Variants in RNF128 observed in about 807,000 individuals in gnomAD.
RNF128 encodes ring finger protein 128.
RNF128 carries 13 observed loss-of-function variants against 26.2 expected under a neutral mutation model. The ratio of observed to expected loss-of-function variants is 0.50; its 90% CI spans 0.32 to 0.79. The LOEUF is 0.79. Among genes scored for constraint, RNF128 ranks in the 30% least tolerant of loss-of-function variants. The pLI is 0.03. For missense variants in RNF128, 315 were observed against 349.7 expected, an observed-to-expected ratio of 0.90 and a Z score of 0.79; for synonymous variants, 149 against 142.5, an observed-to-expected ratio of 1.05 and a Z score of -0.32.
chrX:106,739,804 C>CT (rs767650194), intron 1 of RNF128, among the ~76,000 whole-genome samples: 112 of 110,883 alleles, frequency 1.0e-3, no homozygotes, highest in Non-Finnish European at 7.4e-4. Flanking sequence ...CTAGAATGTT[C>CT]TTTTTTATAG....
chrX:106,712,984 G>T (rs1929154317), intron 1 of RNF128, among the ~76,000 whole-genome samples: 1 of 105,898 alleles, frequency 9.4e-6, no homozygotes, highest in South Asian at 4.4e-4. Context: ...GGGTTCAAAC[G>T]ATTCTCCCGC....
intron 1 of RNF128, among the ~76,000 whole-genome samples, chrX:106,761,599 TAAAA>T (rs60855137): frequency 1.8e-5 from 2 of 110,230 alleles, no homozygotes; most frequent in Non-Finnish European, 3.8e-5. Flanking sequence ...TATACAGCCA[TAAAA>T]AAAGAATGAG....
chrX:106,722,595 C>A (rs189896801), upstream of RNF128, among the ~76,000 whole-genome samples: 1 of 111,894 alleles, frequency 8.9e-6, no homozygotes, highest in Non-Finnish European at 1.9e-5. Flanking sequence ...TTGTTGCAGT[C>A]ATGATCTACA....
At chrX:106,769,077 G>A (rs963023944) in intron 1 of RNF128, among the ~76,000 whole-genome samples, 1 of 112,102 alleles carries the variant, frequency 8.9e-6, no homozygotes, top group African/African-American at 3.2e-5. Context: ...TGTGATCTGA[G>A]ACAGTTTGTT....
Position 106,791,173 on chromosome X carries a change from T to A in RNF128, c.1092T>A (p.Ser364=). ...EEDNRSETAS[S]GYASVQGTDE... ...ATAATCGCAGCGAGACCGCATCATC[T>A]GGATATGCTTCAGTACAGGGAACAG... The change falls in exon 6 of 7, where the codon TCT becomes TCA. Residue 364 remains serine, a synonymous_variant. Transcript: ENST00000255499. 1 of 1,209,989 alleles carries A rather than the reference T, an allele frequency of 8.3e-7. No homozygotes were observed. Among genetic ancestry groups the A allele is most frequent in the Middle Eastern group, 2.3e-4 (1 of 4,341 alleles).
rs1446035248 is a variant in RNF128, at chrX:106,761,350, C to T, written c.485-11563C>T. ...TCGTGGGAATGTAAATTAGTTCAGC[C>T]ATTGTGGAAAGCAGTTTGCTGATTT... On this transcript the variant is annotated intron_variant, in intron 1 of 6. Transcript: ENST00000255499. 8.0e-5 allele frequency among the ~76,000 whole-genome samples: 9 copies of T among 111,984 alleles called. No homozygotes were observed. In the Admixed American group the frequency reaches 8.5e-4, roughly 11 times the overall value.
intron 1 of RNF128, among the ~76,000 whole-genome samples, chrX:106,771,290 G>A (rs1479200877): frequency 2.7e-5 from 3 of 112,726 alleles, no homozygotes; most frequent in Admixed American, 9.3e-5. Flanking sequence ...CTGTCAGACA[G>A]GGATGTTTAA....
intron 1 of RNF128, among the ~76,000 whole-genome samples, chrX:106,754,916 G>T (rs775334453): frequency 2.7e-5 from 3 of 110,314 alleles, no homozygotes; most frequent in African/African-American, 9.8e-5. Flanking sequence ...TAGAAGAAAA[G>T]AATTAATAAA....
upstream of RNF128, among the ~76,000 whole-genome samples, chrX:106,722,014 G>A (rs1021532586): frequency 9.0e-6 from 1 of 111,492 alleles, no homozygotes; most frequent in Admixed American, 9.6e-5. Flanking sequence ...TTTGGGACTA[G>A]TAAATTTGAT....
intron 1 of RNF128, among the ~76,000 whole-genome samples, chrX:106,754,737 CA>C (rs1222300088): frequency 9.1e-6 from 1 of 109,973 alleles, no homozygotes; most frequent in East Asian, 2.8e-4. Context: ...TTTCTTGAAA[CA>C]AGTGGAAATG....
At chrX:106,773,831 C>T (rs1189241005) in intron 2 of RNF128, among the ~76,000 whole-genome samples, 6 of 111,616 alleles carry the variant, frequency 5.4e-5, no homozygotes, top group Non-Finnish European at 1.1e-4. Flanking sequence ...GTTCCTGCCA[C>T]CATTAAATTG....
intron 6 of RNF128, among the ~76,000 whole-genome samples, chrX:106,794,462 T>G (rs746563264): frequency 3.6e-5 from 4 of 111,252 alleles, no homozygotes; most frequent in Non-Finnish European, 7.6e-5. Flanking sequence ...TTTACAACCA[T>G]GATAAGCACT....
At chrX:106,759,105 C>T (rs1333539527) in intron 1 of RNF128, among the ~76,000 whole-genome samples, 4 of 111,389 alleles carry the variant, frequency 3.6e-5, no homozygotes, top group Admixed American at 1.9e-4. Context: ...TCTAATAATC[C>T]GATTAAAAAT....
At chrX:106,694,437 T>C (rs112666691) in intron 1 of RNF128, 5 of 1,094,428 alleles carry the variant, frequency 4.6e-6, no homozygotes, top group African/African-American at 1.8e-5. Flanking sequence ...ACAAAGAGAG[T>C]TAATGTCCGT....
At chrX:106,793,836 G>A (rs1471159559) in intron 6 of RNF128, among the ~76,000 whole-genome samples, 1 of 111,360 alleles carries the variant, frequency 9.0e-6, no homozygotes, top group Non-Finnish European at 1.9e-5. Flanking sequence ...AGCACGTGAT[G>A]TTGGTGTCTT....
intron 1 of RNF128, among the ~76,000 whole-genome samples, chrX:106,714,081 G>A (rs1240413479): frequency 9.2e-6 from 1 of 108,768 alleles, no homozygotes; most frequent in Non-Finnish European, 1.9e-5. Context: ...GGGAGGCTGA[G>A]GCGGGAGAAT....
At chrX:106,770,647 G>A (rs962025642) in intron 1 of RNF128, among the ~76,000 whole-genome samples, 11 of 111,252 alleles carry the variant, frequency 9.9e-5, no homozygotes, top group Non-Finnish European at 2.1e-4. Context: ...TTAGCCATTC[G>A]TCTAATCTTT....
chrX:106,758,210 A>C (rs939208630), intron 1 of RNF128, among the ~76,000 whole-genome samples: 1 of 111,943 alleles, frequency 8.9e-6, no homozygotes, highest in African/African-American at 3.2e-5. Context: ...AAGTACTAGG[A>C]GGAAACCTAA....
intron 1 of RNF128, among the ~76,000 whole-genome samples, chrX:106,755,398 G>A (rs1230222729): frequency 1.8e-5 from 2 of 110,445 alleles, no homozygotes; most frequent in African/African-American, 6.6e-5. Flanking sequence ...AATACTTCCA[G>A]ACTCATTCTA....
Sources: gnomAD v4.1 joint callset for allele counts (sites outside exome capture counted in the v4.1 genomes callset) on GRCh38, gnomAD v4.1.1 for gene constraint, MANE v1.5 for transcripts, NCBI Gene and HGNC (gene_info 2026-07-23, HGNC 2026-07-21) for gene names.